KNL1: variants seen among roughly 807,000 people sequenced by gnomAD.
KNL1 encodes kinetochore scaffold 1.
A neutral mutation model predicts 201.3 loss-of-function variants in KNL1; 66 were observed. That is an observed-to-expected ratio of 0.33 (90% confidence interval 0.27 to 0.40). KNL1 has a LOEUF of 0.40. KNL1 is among the 10% of genes least tolerant of loss of function. The pLI is 1.00. For missense variants in KNL1, 2,815 were observed against 2,690.5 expected, an observed-to-expected ratio of 1.05 and a Z score of -1.02; for synonymous variants, 895 against 899.2, an observed-to-expected ratio of 1.00 and a Z score of 0.08.
rs2141757178 is a variant in KNL1, at chr15:40,650,072, T to C, written c.6095-229T>C. The C allele has an allele frequency of 1.1e-5, 4 of 367,468 alleles. No homozygotes were observed. The South Asian group carries it at 1.4e-4, about 13-fold the overall frequency. The allele number at this position is 367,468 out of a possible 1,614,324, so 22.8% of individuals were successfully genotyped here. Reference sequence around the variant, plus strand: ...ACTGAATTGACCATGAGTACATGAATTCCATAGTCTAAAGTTCACCCCTTT... The same window carrying C: ...ACTGAATTGACCATGAGTACATGAACTCCATAGTCTAAAGTTCACCCCTTT... On this transcript the variant is annotated intron_variant, in intron 17 of 25. Coordinates refer to ENST00000399668, the MANE Select transcript of KNL1 (RefSeq NM_144508.5).
chr15:40,622,331 A>T lies in KNL1; in HGVS notation c.2067A>T (p.Val689=), dbSNP rs1044235968. 5.0e-6 allele frequency: 8 copies of T among 1,613,830 alleles called. No individual in the cohort carries two copies. In the Admixed American group the frequency reaches 1.3e-4, roughly 27 times the overall value. Residue 689 remains valine (V), a synonymous_variant, in exon 10 of 26, where the codon GTA becomes GTT. Transcript: ENST00000399668. ...LDKQITNRNT[V]SWEQSLFSTT... The stretch of plus-strand genomic sequence containing the variant: ...AACAAATAACTAATAGAAATACAGT[A>T]TCATGGGAACAATCTTTGTTTTCTA...
chr15:40,650,594 A>G lies in KNL1; in HGVS notation c.6212+11A>G, dbSNP rs772312485. 1 of 1,556,006 alleles carries G rather than the reference A, an allele frequency of 6.4e-7. No homozygotes were observed. Among genetic ancestry groups the G allele is most frequent in the Non-Finnish European group, 8.6e-7 (1 of 1,158,650 alleles). On this transcript the variant is annotated intron_variant, in intron 19 of 25. Coordinates refer to ENST00000399668, the MANE Select transcript of KNL1 (RefSeq NM_144508.5). ...AGAGGAGCTTCAAAGGTCAGCCTTC[A>G]ATCCAAGTGTTAGAAAATATAATGC...
At chr15:40,657,672 C>T (rs1465615181) in intron 24 of KNL1, among the ~76,000 whole-genome samples, 199 bp downstream of exon 24, 1 of 152,162 alleles carries the variant, frequency 6.6e-6, no homozygotes, top group Non-Finnish European at 1.5e-5. Flanking sequence ...CTTGTAAATG[C>T]ATAACCTTGA....
intron 17 of KNL1, among the ~76,000 whole-genome samples, chr15:40,648,829 CT>C (rs35251316): frequency 0.63 from 65,444 of 103,068 alleles, 18,979 homozygotes; most frequent in Non-Finnish European, 0.71. Flanking sequence ...ACTTAACTTT[CT>C]TTTTTTTTTT....
chr15:40,656,107 T>A (rs560914692), intron 22 of KNL1, among the ~76,000 whole-genome samples: 1 of 152,154 alleles, frequency 6.6e-6, no homozygotes, highest in East Asian at 1.9e-4. Flanking sequence ...AAAACTTAAG[T>A]ATTGTGTCTA....
chr15:40,598,188 GAAAAAGAAAA>G (rs1566996748), intron 1 of KNL1, among the ~76,000 whole-genome samples: 6 of 149,178 alleles, frequency 4.0e-5, no homozygotes, highest in Admixed American at 2.0e-4. Context: ...AAAAAAAAAA[GAAAAAGAAAA>G]AAAAAGAAAA....
chr15:40,602,428 G>T (rs931986838), intron 1 of KNL1, among the ~76,000 whole-genome samples: 38 of 148,236 alleles, frequency 2.6e-4, no homozygotes, highest in African/African-American at 9.2e-4. Context: ...GAGCCACCGC[G>T]CCCGGCCAAA....
chr15:40,641,166 A>G, intron 14 of KNL1, 139 bp downstream of exon 14: 1 of 571,096 alleles, frequency 1.8e-6, no homozygotes. Context: ...TGTGGGAGAA[A>G]GAGCTTTGGC....
intron 13 of KNL1, among the ~76,000 whole-genome samples, chr15:40,630,186 GAAT>G (rs1892873307): frequency 6.6e-6 from 1 of 152,120 alleles, no homozygotes; most frequent in Non-Finnish European, 1.5e-5. Context: ...TAGAATATTT[GAAT>G]AATACAATCA....
At chr15:40,650,086 G>C in intron 17 of KNL1, 1 of 407,514 alleles carries the variant, frequency 2.5e-6, no homozygotes. Context: ...ATAGTCTAAA[G>C]TTCACCCCTT....
intron 1 of KNL1, among the ~76,000 whole-genome samples, chr15:40,596,238 G>A (rs1035490250): frequency 1.3e-5 from 2 of 152,096 alleles, no homozygotes; most frequent in African/African-American, 4.8e-5. Context: ...AAAAAATACA[G>A]AAATTGAAGG....
intron 8 of KNL1, among the ~76,000 whole-genome samples, chr15:40,618,158 A>G (rs1477726292): frequency 6.6e-6 from 1 of 151,902 alleles, no homozygotes; most frequent in Non-Finnish European, 1.5e-5. Context: ...TTCCTTATTT[A>G]CAAAGTCTGA....
intron 22 of KNL1, among the ~76,000 whole-genome samples, chr15:40,656,365 G>T (rs919829701): frequency 6.6e-6 from 1 of 151,414 alleles, no homozygotes; most frequent in South Asian, 2.1e-4. Context: ...TCCGGGAGGC[G>T]GAGGTTGCAG....
chr15:40,655,609 A>G lies in KNL1; in HGVS notation c.6484+632A>G, dbSNP rs1595949114. On this transcript the variant is annotated intron_variant, in intron 22 of 25. Transcript: ENST00000399668. ...CCATCTCAAAAAAAAAAAAAAAAAA[A>G]AAGATTTAAAAAAAATTATTACATG... 4.8e-5 allele frequency among the ~76,000 whole-genome samples: 7 copies of G among 145,666 alleles called. No homozygotes were observed. The South Asian group carries it at 1.5e-3, about 32-fold the overall frequency.
intron 5 of KNL1, among the ~76,000 whole-genome samples, chr15:40,609,909 C>T (rs975839737): frequency 1.3e-5 from 2 of 151,450 alleles, no homozygotes; most frequent in African/African-American, 2.4e-5. Context: ...AAATATTAGT[C>T]AGGCTTGTTG....
At chr15:40,605,236 A>G (rs1473796656) in intron 3 of KNL1, 87 bp downstream of exon 3, 4 of 733,402 alleles carry the variant, frequency 5.5e-6, no homozygotes, top group Middle Eastern at 2.4e-4. Context: ...TGGCTTCACC[A>G]TCCTACCCTT....
chr15:40,622,926 T>G lies in KNL1; in HGVS notation c.2662T>G (p.Leu888Val), dbSNP rs1892594738. The G allele has an allele frequency of 8.1e-6, 13 of 1,613,244 alleles. No homozygotes were observed. The highest frequency in any genetic ancestry group is 1.1e-5 in the Non-Finnish European group (13 of 1,179,596). ...AATAGAAATAAACCATAGACCTTTA[T>G]TAGAGAAACGTGATTGTCATTTGGT... Reference protein sequence around the residue: ...YTIEINHRPLLEKRDCHLVPL... With the variant: ...YTIEINHRPLVEKRDCHLVPL... Residue 888 changes from leucine (L) to valine (V), a missense_variant, in exon 10 of 26, where the codon TTA (leucine) becomes GTA (valine). Transcript: ENST00000399668.
At chr15:40,646,444 A>T (rs1393451060) in intron 16 of KNL1, among the ~76,000 whole-genome samples, 1 of 151,894 alleles carries the variant, frequency 6.6e-6, no homozygotes, top group Non-Finnish European at 1.5e-5. Flanking sequence ...AAAATATTTT[A>T]TTAAATTTAT....
Position 40,624,565 on chromosome 15 carries a change from T to G in KNL1, c.4301T>G (p.Val1434Gly). 6.2e-7 allele frequency: 1 copy of G among 1,613,986 alleles called. No homozygotes were observed. Among genetic ancestry groups the G allele is most frequent in the Non-Finnish European group, 8.5e-7 (1 of 1,179,868 alleles). The change falls in exon 10 of 26, where the codon GTT becomes GGT. Residue 1434 changes from valine (V) to glycine (G), a missense_variant. Val to Gly is a moderately radical substitution (Grantham distance 109). Coordinates refer to ENST00000399668, the MANE Select transcript of KNL1 (RefSeq NM_144508.5). ...KLPKDQMKVY[V>G]DDIYVIPQPH... ...CCAAAGGATCAAATGAAAGTCTATG[T>G]TGATGACATTTATGTTATTCCTCAG... is the stretch of plus-strand genomic sequence containing the variant.
Sources: gnomAD v4.1 joint callset for allele counts (sites outside exome capture counted in the v4.1 genomes callset) on GRCh38, gnomAD v4.1.1 for gene constraint, MANE v1.5 for transcripts, NCBI Gene and HGNC (gene_info 2026-07-23, HGNC 2026-07-21) for gene names.